Variants in MYO3B observed in about 807,000 individuals in gnomAD.
MYO3B encodes myosin IIIB, also known as myosin-IIIb.
In MYO3B, 156 loss-of-function variants were observed where a neutral mutation model predicts 174.6. That is an observed-to-expected ratio of 0.89 (90% confidence interval 0.78 to 1.02). The LOEUF is 1.02. Among genes scored for constraint, MYO3B ranks in the 50% least tolerant of loss-of-function variants. The pLI is 0.00. For synonymous variants in MYO3B, 563 were observed against 569.1 expected (o/e 0.99, Z 0.15); for missense variants, 1,632 against 1,639.4 (o/e 1.00, Z 0.08).
intron 26 of MYO3B, 67 bp from the exon 27 acceptor site, chr2:170,499,579 T>C: frequency 7.3e-7 from 1 of 1,376,222 alleles, no homozygotes; most frequent in Non-Finnish European, 1.0e-6. Context: ...ATTTAGAATA[T>C]GCTGTAGTAG....
intron 8 of MYO3B, among the ~76,000 whole-genome samples, chr2:170,362,788 G>A (rs2094171242): frequency 6.6e-6 from 1 of 152,180 alleles, no homozygotes; most frequent in African/African-American, 2.4e-5. Flanking sequence ...AAACTGAAAT[G>A]CAGTTAAATA....
chr2:170,591,337 C>T (rs1315769020), intron 32 of MYO3B, among the ~76,000 whole-genome samples: 4 of 152,170 alleles, frequency 2.6e-5, no homozygotes, highest in Non-Finnish European at 5.9e-5. Context: ...GGTTCATAGA[C>T]CCTCTAGTAT....
chr2:170,284,757 T>C (rs1362940311), intron 7 of MYO3B, among the ~76,000 whole-genome samples: 1 of 152,206 alleles, frequency 6.6e-6, no homozygotes, highest in African/African-American at 2.4e-5. Flanking sequence ...CTTAAATTCC[T>C]TTTTCTTCAT....
chr2:170,478,582 T>A (rs1685464335), intron 25 of MYO3B, among the ~76,000 whole-genome samples: 1 of 146,954 alleles, frequency 6.8e-6, no homozygotes, highest in Non-Finnish European at 1.5e-5. Context: ...TGTTTTTTTT[T>A]TTTTGAGATG....
At chr2:170,463,906 TG>T (rs1313502445) in intron 24 of MYO3B, among the ~76,000 whole-genome samples, 11 of 152,218 alleles carry the variant, frequency 7.2e-5, no homozygotes, top group African/African-American at 2.7e-4. Flanking sequence ...GGTAAAAACA[TG>T]GTCTCTAGAA....
At chr2:170,368,591 A>G (rs144401744) in intron 8 of MYO3B, among the ~76,000 whole-genome samples, 1 of 152,190 alleles carries the variant, frequency 6.6e-6, no homozygotes, top group African/African-American at 2.4e-5. Context: ...AATTTTTATC[A>G]TTTCGAATGG....
intron 7 of MYO3B, among the ~76,000 whole-genome samples, chr2:170,280,054 A>G (rs978444257): frequency 6.6e-6 from 1 of 152,170 alleles, no homozygotes; most frequent in African/African-American, 2.4e-5. Context: ...GCTTTCCACA[A>G]TCACTGAAAT....
intron 31 of MYO3B, among the ~76,000 whole-genome samples, chr2:170,543,270 T>C (rs1452889858): frequency 6.6e-6 from 1 of 152,208 alleles, no homozygotes; most frequent in Non-Finnish European, 1.5e-5. Context: ...TTAGAGCCTC[T>C]TTTTGAGTAA....
chr2:170,250,832 G>C (rs1394078109), intron 7 of MYO3B, among the ~76,000 whole-genome samples: 1 of 151,980 alleles, frequency 6.6e-6, no homozygotes, highest in Non-Finnish European at 1.5e-5. Context: ...GAGTTTGGCT[G>C]TCTAGCGGCC....
chr2:170,494,999 G>A (rs79646951), intron 25 of MYO3B, among the ~76,000 whole-genome samples: 159 of 152,230 alleles, frequency 1.0e-3, no homozygotes, highest in African/African-American at 3.3e-3. Flanking sequence ...TAGAGACAGA[G>A]ATCTTCTGAC....
At chr2:170,240,068 T>G (rs1170762399) in intron 7 of MYO3B, among the ~76,000 whole-genome samples, 1 of 152,156 alleles carries the variant, frequency 6.6e-6, no homozygotes, top group Non-Finnish European at 1.5e-5. Context: ...TCTTTTCTGG[T>G]CTCATATAAG....
rs144332878 is a variant in MYO3B, at chr2:170,576,309, G to A, written c.3733+32321G>A. 7.5e-3 allele frequency among the ~76,000 whole-genome samples: 1,138 copies of A among 152,284 alleles called. 6 individuals are homozygous for A. Among genetic ancestry groups the A allele is most frequent in the Admixed American group, 0.011 (171 of 15,296 alleles). ...GTAGGGTTACTGTCCGGCTGATGCT[G>A]GTCTCTGAAGGGATTGCTGAGGCTA... is the stretch of plus-strand genomic sequence containing the variant. On this transcript the variant is annotated intron_variant, in intron 32 of 34. Transcript: ENST00000408978.
chr2:170,622,819 G>A (rs755753359), intron 32 of MYO3B, among the ~76,000 whole-genome samples: 3 of 149,764 alleles, frequency 2.0e-5, no homozygotes, highest in East Asian at 2.0e-4. Context: ...GAGAACATGC[G>A]GTGTTTGGTT....
At chr2:170,483,119 A>G (rs1685802195) in intron 25 of MYO3B, among the ~76,000 whole-genome samples, 1 of 152,278 alleles carries the variant, frequency 6.6e-6, no homozygotes, top group Admixed American at 6.5e-5. Flanking sequence ...TGCAAGAATT[A>G]ATATTCATTT....
intron 22 of MYO3B, among the ~76,000 whole-genome samples, chr2:170,410,592 GAAAA>G (rs59296953): frequency 3.6e-5 from 4 of 112,530 alleles, no homozygotes; most frequent in Admixed American, 9.6e-5. Flanking sequence ...CAAAAAAAAA[GAAAA>G]AAAAAAAAAA....
At chr2:170,502,879 A>G (rs780323852) in intron 28 of MYO3B, among the ~76,000 whole-genome samples, 2 of 152,246 alleles carry the variant, frequency 1.3e-5, no homozygotes, top group South Asian at 2.1e-4. Context: ...CTCTTAGACC[A>G]CTGTAGAAGC....
At chr2:170,458,399 C>G (rs1684036653) in intron 23 of MYO3B, among the ~76,000 whole-genome samples, 1 of 152,176 alleles carries the variant, frequency 6.6e-6, no homozygotes, top group African/African-American at 2.4e-5. Flanking sequence ...CCAGGTTTGT[C>G]AATAGCAATC....
chr2:170,289,293 G>A (rs2093579316), intron 7 of MYO3B, among the ~76,000 whole-genome samples: 1 of 151,952 alleles, frequency 6.6e-6, no homozygotes, highest in Admixed American at 6.6e-5. Context: ...GATTGTTACT[G>A]GTTATTCTTT....
rs35558091 is a variant in MYO3B at position 170,453,409 on chromosome 2, T to TACACACACACACACACACAC, written c.2730+9388_2730+9407dup. Among the ~76,000 whole-genome samples the TACACACACACACACACACAC allele has an allele frequency of 1.4e-3, 178 of 131,262 alleles. 1 individual carries two copies. The highest frequency in any genetic ancestry group is 3.3e-3 in the South Asian group (12 of 3,688). 86.1% of individuals were successfully genotyped at this position (131,262 alleles called of 152,430 possible). Reference sequence around the variant, plus strand: ...GAGACTAACAGTGATGTTTACCATTTACACACACACACACACACACACACA... The same window carrying TACACACACACACACACACAC: ...GAGACTAACAGTGATGTTTACCATTTACACACACACACACACACACACACACACACACACACACACACACA... On this transcript the variant is annotated intron_variant, in intron 23 of 34. Coordinates refer to ENST00000408978, the MANE Select transcript of MYO3B (RefSeq NM_138995.5).
Sources: allele counts gnomAD v4.1 joint callset (sites outside exome capture counted in the v4.1 genomes callset), GRCh38; gene constraint gnomAD v4.1.1; transcripts MANE v1.5; gene names NCBI Gene and HGNC (gene_info 2026-07-23, HGNC 2026-07-21).